EIF5: variants seen among roughly 807,000 people sequenced by gnomAD.
EIF5 encodes the protein eukaryotic translation initiation factor 5.
EIF5 carries 10 observed loss-of-function variants against 48.3 expected under a neutral mutation model. That is an observed-to-expected ratio of 0.21 (90% CI 0.13 to 0.35). The LOEUF is 0.35. Among genes scored for constraint, EIF5 ranks in the 10% least tolerant of loss-of-function variants. The pLI is 1.00. For missense variants in EIF5, 397 were observed against 533.2 expected (o/e 0.74, Z 2.51); for synonymous variants, 237 against 173.1 (o/e 1.37, Z -2.90).
intron 2 of EIF5, 164 bp downstream of exon 2, chr14:103,334,761 C>CGCGCT (rs1322549728): frequency 6.7e-6 from 1 of 148,548 alleles, no homozygotes; most frequent in South Asian, 2.1e-4. Context: ...CCCGGCCTCG[C>CGCGCT]CCCCTCCCCG....
chr14:103,337,489 C>T, intron 6 of EIF5: 1 of 442,574 alleles, frequency 2.3e-6, no homozygotes, highest in Non-Finnish European at 4.0e-6. Context: ...GTAATCCCAG[C>T]TACTCCGGTA....
Position 103,337,237 on chromosome 14 carries a change from C to G in EIF5, c.439+10C>G. The G allele has an allele frequency of 6.3e-7, 1 of 1,589,364 alleles. No individual in the cohort carries two copies. The highest frequency in any genetic ancestry group is 8.6e-7 in the Non-Finnish European group (1 of 1,164,696). On this transcript the variant is annotated intron_variant, in intron 6 of 11. Transcript: ENST00000216554. ...CTCAAAAACCCACCTGGTGAGTCTT[C>G]CATGATGAACTCCTAAGATCCTAAG... is the stretch of plus-strand genomic sequence containing the variant.
chr14:103,339,916 T>C (rs1595365156), intron 10 of EIF5, 113 bp downstream of exon 10: 1 of 1,225,170 alleles, frequency 8.2e-7, no homozygotes, highest in African/African-American at 1.5e-5. Flanking sequence ...AGGAGTACAG[T>C]GGTATGATCT....
At chr14:103,336,308 G>C (rs533281124) in intron 4 of EIF5, 191 bp downstream of exon 4, 19 of 667,628 alleles carry the variant, frequency 2.8e-5, no homozygotes, top group African/African-American at 1.8e-4. Flanking sequence ...ATGGCTGGGC[G>C]CGTTGGCTCA....
chr14:103,339,091 A>C, intron 8 of EIF5, 81 bp from the exon 9 acceptor site: 1 of 1,520,616 alleles, frequency 6.6e-7, no homozygotes, highest in Non-Finnish European at 8.8e-7. Flanking sequence ...AAATATGTTC[A>C]TCAGAGCAGG....
At position 103,340,982 on chromosome 14, in the gene EIF5, C is replaced by T. The variant is rs781180662; in HGVS notation, c.1226C>T (p.Ala409Val). 3 of 1,613,922 alleles carry T rather than the reference C, an allele frequency of 1.9e-6. No homozygotes were observed. Among genetic ancestry groups the T allele is most frequent in the Non-Finnish European group, 1.7e-6 (2 of 1,179,948 alleles). Reference sequence around the variant, plus strand: ...TAACAGGTGGTGTATTCGAAGGCTGCCAGTGTACCGAAAGTTGAGACTGTA... The same window carrying T: ...TAACAGGTGGTGTATTCGAAGGCTGTCAGTGTACCGAAAGTTGAGACTGTA... ...ENIEVVYSKA[A>V]SVPKVETVKS... Residue 409 changes from alanine (A) to valine (V), a missense_variant, in exon 12 of 12, where the codon GCC becomes GTC. This residue lies in a region of EIF5 where 160 missense variants were observed against 184.8 expected (regional missense o/e 0.87). Transcript: ENST00000216554.
Position 103,341,234 on chromosome 14 carries a change from A to T in EIF5, c.*182A>T. On this transcript the variant is annotated 3_prime_UTR_variant, in exon 12 of 12. Coordinates refer to ENST00000216554, the MANE Select transcript of EIF5 (RefSeq NM_001969.5). ...CCAATGAGACATCTAGGGAGTCCATACACATCAGTGAGCAGATGTAGTTTG... is the reference window on the plus strand; with the variant it reads ...CCAATGAGACATCTAGGGAGTCCATTCACATCAGTGAGCAGATGTAGTTTG... 1 of 570,170 alleles carries T rather than the reference A, an allele frequency of 1.8e-6. No homozygotes were observed. Among genetic ancestry groups the T allele is most frequent in the South Asian group, 2.1e-5 (1 of 47,122 alleles). 35.3% of individuals were successfully genotyped at this position (570,170 alleles called of 1,614,324 possible). A position where few individuals can be genotyped will look rare whatever the true frequency, so the allele number is the denominator to read the frequency against.
In EIF5 at chr14:103,340,571, G is replaced by A; in HGVS notation, c.1206+10G>A. 6.2e-7 allele frequency: 1 copy of A among 1,606,630 alleles called. No individual in the cohort carries two copies. Among genetic ancestry groups the A allele is most frequent in the African/African-American group, 1.3e-5 (1 of 74,926 alleles). On this transcript the variant is annotated intron_variant, in intron 11 of 11. Transcript: ENST00000216554. ...AGATGAGAACATTGAGGTAAACATT[G>A]GGGGAGGAGGGTATTGGATACAGTG... is the stretch of plus-strand genomic sequence containing the variant.
chr14:103,339,060 A>G (rs1425421440), intron 8 of EIF5, 112 bp from the exon 9 acceptor site: 5 of 1,486,434 alleles, frequency 3.4e-6, no homozygotes, highest in Non-Finnish European at 4.5e-6. Context: ...TATGTGTCAC[A>G]ACTGCCAAAT....
rs1490849275 is a variant in EIF5, at chr14:103,344,207, T to C, written c.*3155T>C. The C allele has an allele frequency of 6.6e-6, 1 of 152,220 alleles. No individual in the cohort carries two copies. The highest frequency in any genetic ancestry group is 1.5e-5 in the Non-Finnish European group (1 of 68,040). The allele number at this position is 152,220 out of a possible 1,614,324, so 9.4% of individuals were successfully genotyped here. On this transcript the variant is annotated 3_prime_UTR_variant, in exon 12 of 12. Coordinates refer to ENST00000216554, the MANE Select transcript of EIF5 (RefSeq NM_001969.5). ...GTGCACCAGAGTGACCCTGTGAGCC[T>C]TTGTTAATAGGTTGGGAGCTCAGGG...
intron 10 of EIF5, among the ~76,000 whole-genome samples, chr14:103,340,151 G>A (rs140181585): frequency 9.2e-5 from 14 of 152,214 alleles, no homozygotes; most frequent in Non-Finnish European, 1.3e-4. Context: ...GCGCCCAGCC[G>A]TTCACAAGTA....
Position 103,340,506 on chromosome 14 carries a change from A to T in EIF5, c.1151A>T (p.Glu384Val). 6.2e-7 allele frequency: 1 copy of T among 1,613,298 alleles called. No individual in the cohort carries two copies. The highest frequency in any genetic ancestry group is 2.2e-5 in the East Asian group (1 of 44,844). Residue 384 changes from glutamate to valine, a missense_variant, in exon 11 of 12, where the codon GAG becomes GTG. Physicochemically the swap from Glu to Val is moderately radical, Grantham distance 121 (BLOSUM62 -2). This residue lies in a region of EIF5 where 160 missense variants were observed against 184.8 expected (regional missense o/e 0.87). Transcript: ENST00000216554. ...KAEPFIKWLK[E>V]AEEESSGGEE... is the part of the protein sequence containing the mutation. Reference sequence around the variant, plus strand: ...GAACCATTTATAAAATGGTTGAAGGAGGCAGAGGAAGAATCTTCTGGTGGC... The same window carrying T: ...GAACCATTTATAAAATGGTTGAAGGTGGCAGAGGAAGAATCTTCTGGTGGC...
At position 103,340,285 on chromosome 14, in the gene EIF5, C is replaced by T. The variant is rs114881034; in HGVS notation, c.1072-142C>T. The stretch of plus-strand genomic sequence containing the variant: ...AGTCATAACAGACTGCTGAGACTAA[C>T]GTGTTCACTGAGTACATTGATTCTG... On this transcript the variant is annotated intron_variant, in intron 10 of 11. Coordinates refer to ENST00000216554, the MANE Select transcript of EIF5 (RefSeq NM_001969.5). The T allele has an allele frequency of 2.5e-4, 211 of 834,886 alleles. No homozygotes were observed. In the African/African-American group the frequency reaches 3.2e-3, roughly 13 times the overall value. The allele number at this position is 834,886 out of a possible 1,614,324, so 51.7% of individuals were successfully genotyped here.
chr14:103,341,359 C>T lies in EIF5; in HGVS notation c.*307C>T. The stretch of plus-strand genomic sequence containing the variant: ...TAAAGGTTTGATTTTGGTCGTTCTT[C>T]AGATGTTTGGCTCTGAATGACTTAA... On this transcript the variant is annotated 3_prime_UTR_variant, in exon 12 of 12. Transcript: ENST00000216554. 4.4e-6 allele frequency: 1 copy of T among 225,218 alleles called. No homozygotes were observed. The highest frequency in any genetic ancestry group is 9.1e-6 in the Non-Finnish European group (1 of 110,168). 14.0% of individuals were successfully genotyped at this position (225,218 alleles called of 1,614,324 possible).
At chr14:103,337,451 A>G (rs1231331904) in intron 6 of EIF5, 12 of 513,814 alleles carry the variant, frequency 2.3e-5, no homozygotes, top group Admixed American at 3.8e-5. Flanking sequence ...AAAACACAAA[A>G]ACTAGCTTAG....
chr14:103,336,966 A>G (rs1434263245), intron 5 of EIF5, 117 bp downstream of exon 5: 21 of 1,408,074 alleles, frequency 1.5e-5, no homozygotes, highest in Admixed American at 2.5e-5. Context: ...ACAAAACTCC[A>G]GTTTTCGAGA....
chr14:103,339,144 C>T, intron 8 of EIF5, 28 bp from the exon 9 acceptor site: 1 of 1,593,122 alleles, frequency 6.3e-7, no homozygotes, highest in East Asian at 2.2e-5. Context: ...GCCTCCATTG[C>T]ACTGAATTGT....
intron 2 of EIF5, 151 bp downstream of exon 2, chr14:103,334,748 C>G (rs1050983382): frequency 1.4e-5 from 2 of 147,562 alleles, no homozygotes; most frequent in East Asian, 2.0e-4. Context: ...GCGCGCTCCC[C>G]GGCCCGGCCT....
At position 103,335,972 on chromosome 14, in the gene EIF5, G is replaced by T. The variant is rs772817608; in HGVS notation, c.72+40G>T. The T allele has an allele frequency of 3.1e-6, 5 of 1,613,850 alleles. No homozygotes were observed. The Admixed American group carries it at 8.3e-5, about 27-fold the overall frequency. ...TTCAATTTAGTTGATAGCTCTTTTTGTAGAATTTTGAAGTTTGCATTTGTC... is the reference window on the plus strand; with the variant it reads ...TTCAATTTAGTTGATAGCTCTTTTTTTAGAATTTTGAAGTTTGCATTTGTC... On this transcript the variant is annotated intron_variant, in intron 3 of 11. Transcript: ENST00000216554.
Sources: gnomAD v4.1 joint callset for allele counts (sites outside exome capture counted in the v4.1 genomes callset) on GRCh38, gnomAD v4.1.1 for gene constraint, gnomAD v4.1.1 regional missense constraint, MANE v1.5 for transcripts, NCBI Gene and HGNC (gene_info 2026-07-23, HGNC 2026-07-21) for gene names.